FRMD3: variants seen among roughly 807,000 people sequenced by gnomAD.
The protein encoded by FRMD3 is FERM domain containing 3.
Under a neutral mutation model 70.2 loss-of-function variants are expected in FRMD3, and 33 were observed. The ratio of observed to expected loss-of-function variants is 0.47; its 90% confidence interval spans 0.36 to 0.63. The LOEUF (loss-of-function observed/expected upper bound fraction) is 0.63. Ranked by LOEUF, FRMD3 falls within the 20% of genes least tolerant of loss-of-function variation. The pLI, the probability that FRMD3 is intolerant of heterozygous loss-of-function variation, is 0.00. For missense variants in FRMD3, 632 were observed against 711.4 expected (o/e 0.89, Z 1.27); for synonymous variants, 279 against 255.9 (o/e 1.09, Z -0.86).
chr9:83,445,118 G>A (rs72745094), intron 1 of FRMD3, among the ~76,000 whole-genome samples: 12,383 of 152,284 alleles, frequency 0.081, 534 homozygotes, highest in East Asian at 0.16. Flanking sequence ...GCTCACGCCT[G>A]TAATCCCAAT....
chr9:83,497,323 T>C (rs963949805), intron 1 of FRMD3, among the ~76,000 whole-genome samples: 24 of 152,150 alleles, frequency 1.6e-4, no homozygotes, highest in African/African-American at 5.3e-4. Flanking sequence ...TAAATTAGCA[T>C]TGTACCACCA....
Position 83,310,550 on chromosome 9 carries a change from T to C in FRMD3, c.774-2A>G, listed in dbSNP as rs1835312544. 1 of 1,589,514 alleles carries C rather than the reference T, an allele frequency of 6.3e-7. No individual in the cohort carries two copies. The highest frequency in any genetic ancestry group is 1.4e-5 in the African/African-American group (1 of 73,112). ...AACTTCAATTTGCAGACATCTGGCC[T>C]AAGAAAAGAAAATCTCTGGGTAAGA... On this transcript the variant is annotated splice_acceptor_variant, in intron 8 of 13. Transcript: ENST00000304195. LOFTEE classifies it high-confidence loss of function.
the FRMD3 span, among the ~76,000 whole-genome samples, chr9:83,553,763 T>C: frequency 1.1e-4 from 17 of 152,336 alleles, no homozygotes; most frequent in African/African-American, 3.8e-4. Flanking sequence ...TACCACTTTA[T>C]TGTGATTTCT....
At chr9:83,381,888 G>A (rs1376272303) in intron 2 of FRMD3, among the ~76,000 whole-genome samples, 1 of 152,118 alleles carries the variant, frequency 6.6e-6, no homozygotes, top group African/African-American at 2.4e-5. Flanking sequence ...CATGAAAGCA[G>A]CTGCAGACAA....
rs373952913 is a variant in FRMD3 at position 83,414,059 on chromosome 9, G to A, written c.148-24351C>T. On this transcript the variant is annotated intron_variant, in intron 1 of 13. Transcript: ENST00000304195. ...ACACTTGTGTTCAAATAAAATTCAC[G>A]CAACACACACACACACACACGAATT... is the stretch of plus-strand genomic sequence containing the variant. Among the ~76,000 whole-genome samples the A allele has an allele frequency of 5.0e-3, 752 of 151,834 alleles. 3 individuals carry two copies. Among genetic ancestry groups the A allele is most frequent in the African/African-American group, 9.0e-3 (373 of 41,384 alleles).
chr9:83,352,652 T>C (rs946119998), intron 3 of FRMD3, among the ~76,000 whole-genome samples: 4 of 152,160 alleles, frequency 2.6e-5, no homozygotes, highest in Non-Finnish European at 5.9e-5. Context: ...TTCCCTAAAA[T>C]AAACATCCTG....
At chr9:83,451,370 A>AC (rs1827649608) in intron 1 of FRMD3, among the ~76,000 whole-genome samples, 1 of 141,254 alleles carries the variant, frequency 7.1e-6, no homozygotes, top group Non-Finnish European at 1.5e-5. Flanking sequence ...ACACACACAC[A>AC]AGCACACAAA....
At chr9:83,559,056 A>C in the FRMD3 span, among the ~76,000 whole-genome samples, 1 of 152,250 alleles carries the variant, frequency 6.6e-6, no homozygotes, top group Non-Finnish European at 1.5e-5. Flanking sequence ...AATGGCAACA[A>C]AAAATTTAGA....
chr9:83,470,518 A>C (rs7045466), intron 1 of FRMD3, among the ~76,000 whole-genome samples: 74,315 of 152,010 alleles, frequency 0.49, 18,513 homozygotes, highest in Middle Eastern at 0.58. Flanking sequence ...TTTATTTGTT[A>C]ATTTGTTTAA....
chr9:83,495,732 T>A (rs978218058), intron 1 of FRMD3, among the ~76,000 whole-genome samples: 29 of 152,210 alleles, frequency 1.9e-4, no homozygotes, highest in Non-Finnish European at 2.6e-4. Context: ...ATGGACATAG[T>A]ACTCATGAAA....
rs537447936 is a variant in FRMD3, at chr9:83,293,491, G to C, written c.1071-2764C>G. On this transcript the variant is annotated intron_variant, in intron 12 of 13. Transcript: ENST00000304195. The stretch of plus-strand genomic sequence containing the variant: ...GAATCACTGCTTATGCTACAACGAT[G>C]GGCCCTCGGTGAGCCTTTATGAGCT... Among the ~76,000 whole-genome samples the C allele has an allele frequency of 3.3e-5, 5 of 152,238 alleles. No individual in the cohort carries two copies. In the East Asian group the frequency reaches 9.7e-4, roughly 29 times the overall value.
intron 1 of FRMD3, among the ~76,000 whole-genome samples, chr9:83,425,927 AAC>A (rs1491271819): frequency 4.7e-4 from 71 of 150,710 alleles, no homozygotes; most frequent in African/African-American, 1.6e-3. Context: ...AAAAAAAAAA[AAC>A]AACCTTCCTG....
the FRMD3 span, among the ~76,000 whole-genome samples, chr9:83,581,393 A>G: frequency 0.06 from 9,160 of 152,282 alleles, 908 homozygotes; most frequent in African/African-American, 0.21. Context: ...CATTGAGGAA[A>G]TGCAAATCAA....
chr9:83,414,517 C>T (rs989607701), intron 1 of FRMD3, among the ~76,000 whole-genome samples: 2 of 151,994 alleles, frequency 1.3e-5, no homozygotes, highest in African/African-American at 4.8e-5. Flanking sequence ...GTCTGTTAAA[C>T]AAAGAATATC....
chr9:83,300,447 G>T (rs1834867084), intron 10 of FRMD3, among the ~76,000 whole-genome samples: 1 of 152,214 alleles, frequency 6.6e-6, no homozygotes, highest in Non-Finnish European at 1.5e-5. Flanking sequence ...ACTCAGGAAT[G>T]GAAAACCAAA....
At chr9:83,263,256 CCTT>C (rs1295201557) in intron 13 of FRMD3, among the ~76,000 whole-genome samples, 1 of 152,172 alleles carries the variant, frequency 6.6e-6, no homozygotes, top group African/African-American at 2.4e-5. Context: ...TAATAAATCA[CCTT>C]ATTATTTAAA....
chr9:83,401,015 G>C (rs1825937064), intron 1 of FRMD3, among the ~76,000 whole-genome samples: 1 of 152,118 alleles, frequency 6.6e-6, no homozygotes, highest in Admixed American at 6.6e-5. Flanking sequence ...GCCACATCAG[G>C]AGATGCTAGC....
At chr9:83,266,813 C>A (rs1435211169) in intron 13 of FRMD3, among the ~76,000 whole-genome samples, 4 of 152,172 alleles carry the variant, frequency 2.6e-5, no homozygotes, top group Non-Finnish European at 5.9e-5. Context: ...AACACACCCT[C>A]CTGTTTCCCC....
chr9:83,309,751 A>G, intron 9 of FRMD3, 127 bp from the exon 10 acceptor site: 1 of 584,598 alleles, frequency 1.7e-6, no homozygotes, highest in Non-Finnish European at 3.1e-6. Context: ...GAAGTAACTT[A>G]ACATATTGCT....
Sources: gnomAD v4.1 joint callset for allele counts (sites outside exome capture counted in the v4.1 genomes callset) on GRCh38, gnomAD v4.1.1 for gene constraint, MANE v1.5 for transcripts, NCBI Gene and HGNC (gene_info 2026-07-23, HGNC 2026-07-21) for gene names.